RBPMS: variants seen among roughly 807,000 people sequenced by gnomAD.
RBPMS encodes the protein RNA binding protein, mRNA processing factor.
In RBPMS, 7 loss-of-function variants were observed where a neutral mutation model predicts 26.8. The observed-to-expected ratio is 0.26, with a 90% CI of 0.15 to 0.49. The LOEUF (loss-of-function observed/expected upper bound fraction) is 0.49, where lower values mean the gene tolerates loss of function less well. Ranked by LOEUF, RBPMS falls within the 20% of genes least tolerant of loss-of-function variation. The pLI is 0.98. For missense variants in RBPMS, 186 were observed against 250.0 expected, an observed-to-expected ratio of 0.74 and a Z score of 1.73; for synonymous variants, 96 against 93.3, an observed-to-expected ratio of 1.03 and a Z score of -0.17.
At chr8:30,487,081 G>GT (rs1249607868) in intron 4 of RBPMS, among the ~76,000 whole-genome samples, 3 of 150,042 alleles carry the variant, frequency 2.0e-5, no homozygotes, top group Non-Finnish European at 2.9e-5. Flanking sequence ...TGCCGAGTGA[G>GT]TTTTTTGCTA....
Position 30,427,198 on chromosome 8 carries a change from TATTTGCATTTGAAAG to T in RBPMS, c.66+42041_66+42055del, listed in dbSNP as rs545178083. 7.9e-5 allele frequency among the ~76,000 whole-genome samples: 12 copies of T among 152,302 alleles called. No homozygotes were observed. The East Asian group carries it at 1.4e-3, about 17-fold the overall frequency. On this transcript the variant is annotated intron_variant, in intron 1 of 8. Transcript: ENST00000397323. ...TAATGTCTTGTTTGTACCCCAGAATTATTTGCATTTGAAAGTCTTCAGAACTCCATACCCACTCCA... is the reference window on the plus strand; with the variant it reads ...TAATGTCTTGTTTGTACCCCAGAATTTCTTCAGAACTCCATACCCACTCCA...
At chr8:30,486,119 G>A (rs996043172) in intron 4 of RBPMS, among the ~76,000 whole-genome samples, 1 of 152,138 alleles carries the variant, frequency 6.6e-6, no homozygotes, top group Non-Finnish European at 1.5e-5. Context: ...GGCTGAGGTG[G>A]GCAGATCACC....
chr8:30,571,107 T>G lies in RBPMS; in HGVS notation c.*582T>G, dbSNP rs188772239. The stretch of plus-strand genomic sequence containing the variant: ...CGGAGTCCAGGGTAAATTAGTAGCA[T>G]GGTGTTAGATGTTAGAAACAGAACT... On this transcript the variant is annotated 3_prime_UTR_variant, in exon 9 of 9. Coordinates refer to ENST00000397323, the MANE Select transcript of RBPMS (RefSeq NM_001008710.3). The G allele has an allele frequency of 6.6e-6, 1 of 151,584 alleles. No homozygotes were observed. The highest frequency in any genetic ancestry group is 6.6e-5 in the Admixed American group (1 of 15,222). The allele number at this position is 151,584 out of a possible 1,614,324, so 9.4% of individuals were successfully genotyped here.
intron 5 of RBPMS, among the ~76,000 whole-genome samples, chr8:30,541,918 T>C (rs1487282806): frequency 6.6e-6 from 1 of 152,018 alleles, no homozygotes; most frequent in Non-Finnish European, 1.5e-5. Flanking sequence ...GTCAAAGGAG[T>C]GTATGTGTGT....
chr8:30,550,891 C>T (rs1056186823), intron 6 of RBPMS, among the ~76,000 whole-genome samples: 6 of 152,226 alleles, frequency 3.9e-5, no homozygotes, highest in Non-Finnish European at 7.3e-5. Flanking sequence ...TTACACAAAC[C>T]CGCTGTCCCT....
chr8:30,441,749 A>G (rs1183021673), intron 1 of RBPMS, among the ~76,000 whole-genome samples: 1 of 152,188 alleles, frequency 6.6e-6, no homozygotes, highest in Non-Finnish European at 1.5e-5. Context: ...GTTCTGATTT[A>G]TCTGCCATCA....
chr8:30,560,774 T>A (rs933306474), intron 7 of RBPMS, among the ~76,000 whole-genome samples: 2 of 152,146 alleles, frequency 1.3e-5, no homozygotes, highest in African/African-American at 4.8e-5. Flanking sequence ...CAAGCTTACT[T>A]GAAACCAGGT....
chr8:30,464,445 C>T (rs1291910148), intron 1 of RBPMS, among the ~76,000 whole-genome samples: 1 of 152,140 alleles, frequency 6.6e-6, no homozygotes, highest in East Asian at 1.9e-4. Context: ...CTAGTTCACA[C>T]CTTCTCTAAT....
intron 4 of RBPMS, among the ~76,000 whole-genome samples, chr8:30,494,097 G>C (rs183068815): frequency 6.9e-4 from 105 of 152,268 alleles, no homozygotes; most frequent in Middle Eastern, 3.4e-3. Flanking sequence ...TACCAGCCAG[G>C]CCTCTAAGAT....
chr8:30,385,391 G>T (rs1806912152), intron 1 of RBPMS: 1 of 388,392 alleles, frequency 2.6e-6, no homozygotes. Context: ...GGAGACTTTT[G>T]TAAGTATAAT....
At chr8:30,440,005 C>T (rs1056899172) in intron 1 of RBPMS, among the ~76,000 whole-genome samples, 4 of 152,254 alleles carry the variant, frequency 2.6e-5, no homozygotes, top group East Asian at 1.9e-4. Flanking sequence ...AGTGAGACCT[C>T]GTCTCTACAA....
At chr8:30,476,839 G>A (rs1817752107) in intron 2 of RBPMS, among the ~76,000 whole-genome samples, 1 of 152,112 alleles carries the variant, frequency 6.6e-6, no homozygotes, top group Non-Finnish European at 1.5e-5. Flanking sequence ...AGCCGGGAGG[G>A]GTGAAGAGAG....
chr8:30,505,821 C>A (rs1287697764), intron 5 of RBPMS, among the ~76,000 whole-genome samples: 1 of 151,964 alleles, frequency 6.6e-6, no homozygotes, highest in Non-Finnish European at 1.5e-5. Context: ...ATTTGTATGC[C>A]TCTTCTCTCT....
At chr8:30,519,010 G>A (rs569330909) in intron 5 of RBPMS, among the ~76,000 whole-genome samples, 67 of 152,208 alleles carry the variant, frequency 4.4e-4, no homozygotes, top group Middle Eastern at 3.4e-3. Context: ...GAGGAAGAAG[G>A]AGGGGCATGT....
intron 7 of RBPMS, chr8:30,562,136 G>A (rs1192801553): frequency 2.3e-5 from 15 of 650,312 alleles, no homozygotes; most frequent in Non-Finnish European, 2.7e-5. Context: ...TTTGAGACCA[G>A]CCCAGCCAAC....
At chr8:30,455,735 A>G (rs1349195008) in intron 1 of RBPMS, among the ~76,000 whole-genome samples, 4 of 151,948 alleles carry the variant, frequency 2.6e-5, no homozygotes, top group Non-Finnish European at 5.9e-5. Context: ...TAAAAATACA[A>G]AAAAATTAGC....
intron 7 of RBPMS, among the ~76,000 whole-genome samples, chr8:30,563,226 C>T (rs1827639602): frequency 6.6e-6 from 1 of 152,192 alleles, no homozygotes; most frequent in South Asian, 2.1e-4. Context: ...TTAATTTGCT[C>T]CGCCTCTTGC....
chr8:30,412,354 G>T (rs1394931447), intron 1 of RBPMS, among the ~76,000 whole-genome samples: 3 of 152,194 alleles, frequency 2.0e-5, no homozygotes, highest in African/African-American at 7.2e-5. Context: ...CCTTTGTGGG[G>T]AACAGGGCCA....
chr8:30,419,600 G>A (rs1164710948), intron 1 of RBPMS, among the ~76,000 whole-genome samples: 2 of 152,024 alleles, frequency 1.3e-5, no homozygotes, highest in African/African-American at 4.8e-5. Flanking sequence ...GACCTCATGT[G>A]ACAGGTTTCA....
Sources: allele counts gnomAD v4.1 joint callset (sites outside exome capture counted in the v4.1 genomes callset), GRCh38; gene constraint gnomAD v4.1.1; transcripts MANE v1.5; gene names NCBI Gene and HGNC (gene_info 2026-07-23, HGNC 2026-07-21).